Variants in PKHD1L1 observed in about 807,000 individuals in gnomAD.
PKHD1L1 encodes fibrocystin-L.
A neutral mutation model predicts 462.9 loss-of-function variants in PKHD1L1; 434 were observed. That is an observed-to-expected ratio of 0.94 (90% CI 0.87 to 1.02). The LOEUF is 1.02. PKHD1L1 is among the 50% of genes least tolerant of loss of function. The pLI is 0.00. For missense variants in PKHD1L1, 5,202 were observed against 5,096.1 expected (o/e 1.02, Z -0.63); for synonymous variants, 1,781 against 1,750.0 (o/e 1.02, Z -0.44).
Position 109,491,974 on chromosome 8 carries a change from C to G in PKHD1L1, c.10216C>G (p.Leu3406Val), listed in dbSNP as rs1277544746. 2 of 1,562,788 alleles carry G rather than the reference C, an allele frequency of 1.3e-6. No individual in the cohort carries two copies. The highest frequency in any genetic ancestry group is 2.3e-5 in the East Asian group (1 of 43,382). ...GAACAGAAAAGATTTAAGTTCAACT[C>G]TCTGGCATGCAGCAATTGAGGTAGT... ...YQNRKDLSSTLWHAAIEINRG... is the reference protein window; with the variant it reads ...YQNRKDLSSTVWHAAIEINRG... The change falls in exon 62 of 78, where the codon CTC (leucine) becomes GTC (valine). Residue 3406 changes from leucine to valine, a missense_variant. Physicochemically the swap from Leu to Val is conservative, Grantham distance 32. Around this residue, in one of 3 missense-constraint regions of PKHD1L1, gnomAD observed 4,497 missense variants for 4,336.8 expected, o/e 1.04. Coordinates refer to ENST00000378402, the MANE Select transcript of PKHD1L1 (RefSeq NM_177531.6).
intron 1 of PKHD1L1, 45 bp downstream of exon 1, chr8:109,362,698 G>A: frequency 4.5e-6 from 7 of 1,547,578 alleles, no homozygotes; most frequent in South Asian, 1.2e-5. Context: ...AGAGGCCCGC[G>A]TAGACACTAC....
rs1366069001 is a variant in PKHD1L1, at chr8:109,400,061, T to C, written c.1013-15T>C. ...TGATCCTGATGAAAGTCTTATTTTA[T>C]TTCATTACACTTAGGAGGGAGAGGC... On this transcript the variant is annotated splice_polypyrimidine_tract_variant and intron_variant, in intron 12 of 77. Transcript: ENST00000378402. 5 of 1,586,542 alleles carry C rather than the reference T, an allele frequency of 3.2e-6. No homozygotes were observed. Among genetic ancestry groups the C allele is most frequent in the African/African-American group, 1.4e-5 (1 of 73,358 alleles).
chr8:109,375,395 C>A (rs1441543508), intron 2 of PKHD1L1, among the ~76,000 whole-genome samples: 2 of 152,148 alleles, frequency 1.3e-5, no homozygotes, highest in African/African-American at 4.8e-5. Context: ...TCTAGTTAGC[C>A]ATTCGTCTAA....
chr8:109,464,435 G>A lies in PKHD1L1; in HGVS notation c.7603G>A (p.Gly2535Ser). Residue 2535 changes from glycine to serine, a missense_variant, in exon 49 of 78, where the codon GGC becomes AGC. By Grantham distance (56) the Gly-to-Ser change is moderately conservative. This residue lies in a region of PKHD1L1 where 4,497 missense variants were observed against 4,336.8 expected (regional missense o/e 1.04). Coordinates refer to ENST00000378402, the MANE Select transcript of PKHD1L1 (RefSeq NM_177531.6). ...AFFIEDGIEH[G>S]NILQYNLAVF... ...TTTTATAGAAGATGGTATTGAACAT[G>A]GCAATATCCTCCAGTATAACTTGGC... The A allele has an allele frequency of 6.2e-7, 1 of 1,613,506 alleles. No homozygotes were observed. The highest frequency in any genetic ancestry group is 8.5e-7 in the Non-Finnish European group (1 of 1,179,682).
intron 2 of PKHD1L1, among the ~76,000 whole-genome samples, chr8:109,373,011 T>C (rs1413978806): frequency 6.7e-6 from 1 of 149,386 alleles, no homozygotes; most frequent in East Asian, 1.9e-4. Context: ...AGGATGATGC[T>C]GGCCTCATAA....
At chr8:109,476,401 C>A in intron 51 of PKHD1L1, 107 bp from the exon 52 acceptor site, 1 of 786,916 alleles carries the variant, frequency 1.3e-6, no homozygotes, top group Non-Finnish European at 1.9e-6. Context: ...AAAGCCAAAA[C>A]TTTTAAATCT....
chr8:109,523,404 G>A lies in PKHD1L1; in HGVS notation c.12484+18G>A. ...TAGAACAGGTGGGTGCACTATTTTG[G>A]ATCCTCACATATATAGCCATAAATA... On this transcript the variant is annotated intron_variant, in intron 76 of 77. Transcript: ENST00000378402. 6.3e-7 allele frequency: 1 copy of A among 1,596,146 alleles called. No individual in the cohort carries two copies. Among genetic ancestry groups the A allele is most frequent in the South Asian group, 1.1e-5 (1 of 89,516 alleles).
intron 28 of PKHD1L1, 91 bp downstream of exon 28, chr8:109,433,307 A>G: frequency 2.8e-6 from 3 of 1,080,976 alleles, no homozygotes; most frequent in Non-Finnish European, 4.2e-6. Flanking sequence ...TTGATCGTGT[A>G]CAATTATCAT....
rs1458363896 is a variant in PKHD1L1 at position 109,445,351 on chromosome 8, G to T, written c.5482G>T (p.Val1828Phe). The T allele has an allele frequency of 6.2e-7, 1 of 1,613,972 alleles. No homozygotes were observed. The change falls in exon 38 of 78, where the codon GTC becomes TTC. Residue 1828 changes from valine (V) to phenylalanine (F), a missense_variant. By Grantham distance (50) the Val-to-Phe change is conservative. Coordinates refer to ENST00000378402, the MANE Select transcript of PKHD1L1 (RefSeq NM_177531.6). ...AGGCTTGGCTCTGGGAAACCTGACT[G>T]TCAGCAGCCCCCCAGTAGCATCTCT... Reference protein sequence around the residue: ...SKGLALGNLTVSSPPVASLSP... With the variant: ...SKGLALGNLTFSSPPVASLSP...
rs1821115631 is a variant in PKHD1L1 at position 109,534,931 on chromosome 8, A to G, written c.*4841A>G. Among the ~76,000 whole-genome samples the G allele has an allele frequency of 1.3e-5, 2 of 151,740 alleles. No individual in the cohort carries two copies. On this transcript the variant is annotated 3_prime_UTR_variant, in exon 78 of 78. Transcript: ENST00000378402. ...AGGTTTTTTTTTTAGGTTAAGGACT[A>G]TGTATTCTTTCAATTTCTCTAAAGT...
At chr8:109,420,938 T>C (rs968624691) in intron 23 of PKHD1L1, among the ~76,000 whole-genome samples, 1 of 152,094 alleles carries the variant, frequency 6.6e-6, no homozygotes, top group South Asian at 2.1e-4. Flanking sequence ...GAGTTTTCTC[T>C]GTGGACGTAA....
chr8:109,447,816 A>T (rs371218493), intron 38 of PKHD1L1, among the ~76,000 whole-genome samples: 1 of 152,346 alleles, frequency 6.6e-6, no homozygotes, highest in African/African-American at 2.4e-5. Flanking sequence ...CTGCTCAGAC[A>T]TTCATACTTC....
chr8:109,405,240 A>T (rs1260207539), intron 16 of PKHD1L1, 110 bp downstream of exon 16: 1 of 658,832 alleles, frequency 1.5e-6, no homozygotes, highest in Non-Finnish European at 2.2e-6. Context: ...TTTTGATGAT[A>T]TGCTAGACAA....
At position 109,421,410 on chromosome 8, in the gene PKHD1L1, C is replaced by T. The variant is rs77884023; in HGVS notation, c.2697+720C>T. On this transcript the variant is annotated intron_variant, in intron 23 of 77. Transcript: ENST00000378402. ...AAAATTGCCTTTATCCCATCCTGGCCCAATGTTTTAGTCTTAATATCTTCC... is the reference window on the plus strand; with the variant it reads ...AAAATTGCCTTTATCCCATCCTGGCTCAATGTTTTAGTCTTAATATCTTCC... 9.3e-3 allele frequency among the ~76,000 whole-genome samples: 1,415 copies of T among 152,072 alleles called. 14 individuals are homozygous for T. Among genetic ancestry groups the T allele is most frequent in the Non-Finnish European group, 0.015 (986 of 67,960 alleles).
At chr8:109,430,745 T>C (rs1815052786) in intron 27 of PKHD1L1, among the ~76,000 whole-genome samples, 1 of 152,146 alleles carries the variant, frequency 6.6e-6, no homozygotes, top group African/African-American at 2.4e-5. Context: ...TAATTTTATA[T>C]TGGTACCTCC....
Position 109,452,286 on chromosome 8 carries a change from A to G in PKHD1L1, c.6507+6A>G, listed in dbSNP as rs762768129. 10 of 1,591,154 alleles carry G rather than the reference A, an allele frequency of 6.3e-6. No individual in the cohort carries two copies. In the Admixed American group the frequency reaches 1.4e-4, roughly 22 times the overall value. On this transcript the variant is annotated splice_donor_region_variant and intron_variant, in intron 42 of 77. Coordinates refer to ENST00000378402, the MANE Select transcript of PKHD1L1 (RefSeq NM_177531.6). Reference sequence around the variant, plus strand: ...GTGTCGGCATGGCCAAACTGGTAATAGTGCTGTTGGGTATAGTAATCACAG... The same window carrying G: ...GTGTCGGCATGGCCAAACTGGTAATGGTGCTGTTGGGTATAGTAATCACAG...
intron 25 of PKHD1L1, among the ~76,000 whole-genome samples, chr8:109,427,983 A>C (rs1353021126): frequency 7.4e-6 from 1 of 134,290 alleles, no homozygotes; most frequent in Non-Finnish European, 1.6e-5. Context: ...TGCCATTGCC[A>C]TTGCACTCCA....
Position 109,466,612 on chromosome 8 carries a change from A to G in PKHD1L1, c.8448A>G (p.Ser2816=), listed in dbSNP as rs1303214547. 1 of 1,604,720 alleles carries G rather than the reference A, an allele frequency of 6.2e-7. No homozygotes were observed. The highest frequency in any genetic ancestry group is 1.3e-5 in the African/African-American group (1 of 74,678). ...GACATACCGTCATTCCACACAGCTCATTGCTAGACCCTTCTCATTGTACTC... is the reference window on the plus strand; with the variant it reads ...GACATACCGTCATTCCACACAGCTCGTTGCTAGACCCTTCTCATTGTACTC... ...HKGHTVIPHS[S]LLDPSHCTQE... is the part of the protein sequence containing the mutation. The change falls in exon 50 of 78, where the codon TCA becomes TCG. Residue 2816 remains serine, a synonymous_variant. Coordinates refer to ENST00000378402, the MANE Select transcript of PKHD1L1 (RefSeq NM_177531.6).
In PKHD1L1 at chr8:109,464,920, G is replaced by C. The variant is rs1365356805; in HGVS notation, c.8088G>C (p.Trp2696Cys). The C allele has an allele frequency of 6.2e-7, 1 of 1,613,684 alleles. No homozygotes were observed. The highest frequency in any genetic ancestry group is 8.5e-7 in the Non-Finnish European group (1 of 1,179,812). The change falls in exon 49 of 78, where the codon TGG becomes TGC. Residue 2696 changes from tryptophan to cysteine, a missense_variant. By Grantham distance (215) the Trp-to-Cys change is radical. Around this residue, in one of 3 missense-constraint regions of PKHD1L1, gnomAD observed 4,497 missense variants for 4,336.8 expected, o/e 1.04. Transcript: ENST00000378402. Reference protein sequence around the residue: ...KRILAPYVGGWGETNGAVIKN... With the variant: ...KRILAPYVGGCGETNGAVIKN... ...TCCTGGCTCCTTATGTTGGAGGGTGGGGTGAAACCAATGGAGCGGTGATTA... is the reference window on the plus strand; with the variant it reads ...TCCTGGCTCCTTATGTTGGAGGGTGCGGTGAAACCAATGGAGCGGTGATTA...
Sources: allele counts gnomAD v4.1 joint callset (sites outside exome capture counted in the v4.1 genomes callset), GRCh38; gene constraint gnomAD v4.1.1; regional missense constraint gnomAD v4.1.1; transcripts MANE v1.5; gene names NCBI Gene and HGNC (gene_info 2026-07-23, HGNC 2026-07-21).